Variants in RAD51B observed in about 807,000 individuals in gnomAD.
RAD51B encodes the protein DNA repair protein RAD51 homolog 2.
In RAD51B, 38 loss-of-function variants were observed where a neutral mutation model predicts 42.2. The observed-to-expected ratio is 0.90, with a 90% CI of 0.70 to 1.18. RAD51B has a LOEUF of 1.18. Among genes scored for constraint, RAD51B ranks in the 50% most tolerant of loss-of-function variants. RAD51B has a pLI of 0.00. For missense variants in RAD51B, 373 were observed against 400.7 expected (o/e 0.93, Z 0.59); for synonymous variants, 154 against 145.2 (o/e 1.06, Z -0.43).
chr14:68,458,790 T>G (rs1024515708), intron 9 of RAD51B, among the ~76,000 whole-genome samples: 16 of 152,102 alleles, frequency 1.1e-4, no homozygotes, highest in Non-Finnish European at 2.1e-4. Flanking sequence ...GTAGGCCACA[T>G]GTAGACAAAT....
intron 10 of RAD51B, among the ~76,000 whole-genome samples, chr14:68,641,801 T>C (rs1256281524): frequency 6.6e-6 from 1 of 151,630 alleles, no homozygotes; most frequent in Non-Finnish European, 1.5e-5. Flanking sequence ...GTTCAAGTGA[T>C]CCTCCTGCAT....
intron 7 of RAD51B, among the ~76,000 whole-genome samples, chr14:67,906,544 G>T (rs2043786943): frequency 6.6e-6 from 1 of 151,978 alleles, no homozygotes; most frequent in Admixed American, 6.6e-5. Context: ...TGGCTGGTAG[G>T]CTTTTTATTA....
intron 7 of RAD51B, among the ~76,000 whole-genome samples, chr14:68,256,762 C>T (rs1296657986): frequency 6.6e-6 from 1 of 152,136 alleles, no homozygotes; most frequent in African/African-American, 2.4e-5. Flanking sequence ...CTCTCTTGCC[C>T]CTAACCTTCT....
At chr14:68,455,963 A>AT (rs1404122993) in intron 9 of RAD51B, among the ~76,000 whole-genome samples, 3 of 152,176 alleles carry the variant, frequency 2.0e-5, no homozygotes, top group African/African-American at 4.8e-5. Flanking sequence ...ATTGATGCAC[A>AT]TTTTTTGCAA....
intron 4 of RAD51B, among the ~76,000 whole-genome samples, chr14:67,851,858 TG>T (rs1192408976): frequency 1.3e-5 from 2 of 151,554 alleles, no homozygotes; most frequent in Non-Finnish European, 1.5e-5. Context: ...AGTGATTATG[TG>T]GGGGTAGGGG....
At chr14:68,024,384 A>G (rs1280528944) in intron 7 of RAD51B, among the ~76,000 whole-genome samples, 1 of 152,180 alleles carries the variant, frequency 6.6e-6, no homozygotes, top group Non-Finnish European at 1.5e-5. Flanking sequence ...TGACATTGGT[A>G]GTTTGATAGG....
chr14:68,433,242 T>C (rs904070943), intron 9 of RAD51B, among the ~76,000 whole-genome samples: 3 of 152,144 alleles, frequency 2.0e-5, no homozygotes, highest in Non-Finnish European at 4.4e-5. Context: ...TTGCTCTTCT[T>C]GAGGAGTATC....
At chr14:68,416,476 T>G (rs1025453728) in intron 9 of RAD51B, among the ~76,000 whole-genome samples, 3 of 152,140 alleles carry the variant, frequency 2.0e-5, no homozygotes, top group African/African-American at 7.2e-5. Flanking sequence ...ATACATTTAT[T>G]TTGAAAGAGA....
chr14:68,603,255 T>C (rs1322411283), intron 10 of RAD51B, among the ~76,000 whole-genome samples: 1 of 152,188 alleles, frequency 6.6e-6, no homozygotes, highest in Non-Finnish European at 1.5e-5. Context: ...CCTGAAATAT[T>C]ATAGGTTTTT....
chr14:68,627,817 TC>T (rs1892123771), intron 10 of RAD51B, among the ~76,000 whole-genome samples: 1 of 152,242 alleles, frequency 6.6e-6, no homozygotes, highest in South Asian at 2.1e-4. Flanking sequence ...CTTCTTTCTT[TC>T]TTCTGCATAA....
intron 10 of RAD51B, among the ~76,000 whole-genome samples, chr14:68,643,963 C>T (rs1027606998): frequency 6.6e-6 from 1 of 152,164 alleles, no homozygotes; most frequent in Admixed American, 6.5e-5. Context: ...CTTCGCCTTC[C>T]CCAGTAGCTG....
chr14:68,000,356 T>A (rs1229636878), intron 7 of RAD51B: 7 of 152,180 alleles, frequency 4.6e-5, no homozygotes, highest in Admixed American at 1.3e-4. Context: ...AAAATTGATT[T>A]CCTAGGTTTT....
intron 10 of RAD51B, among the ~76,000 whole-genome samples, chr14:68,532,775 C>T (rs937749989): frequency 1.3e-5 from 2 of 152,052 alleles, no homozygotes; most frequent in African/African-American, 2.4e-5. Context: ...CAGACTAATC[C>T]ATTATAAACA....
At chr14:67,941,996 C>CT (rs912453067) in intron 7 of RAD51B, among the ~76,000 whole-genome samples, 47 of 152,258 alleles carry the variant, frequency 3.1e-4, no homozygotes, top group African/African-American at 1.1e-3. Flanking sequence ...AAACTGTTTG[C>CT]TTTTTTACTT....
At chr14:67,823,774 C>G in intron 2 of RAD51B, 147 bp downstream of exon 2, 1 of 614,954 alleles carries the variant, frequency 1.6e-6, no homozygotes, top group African/African-American at 1.9e-5. Flanking sequence ...TTGTAAATAT[C>G]AAGCCTCCTT....
chr14:67,933,227 T>C (rs2044805838), intron 7 of RAD51B, among the ~76,000 whole-genome samples: 1 of 152,142 alleles, frequency 6.6e-6, no homozygotes, highest in African/African-American at 2.4e-5. Context: ...GGAGTAGTGT[T>C]TTCCATGGGC....
At chr14:68,259,313 A>AG (rs992483464) in intron 7 of RAD51B, among the ~76,000 whole-genome samples, 53 of 61,792 alleles carry the variant, frequency 8.6e-4, no homozygotes, top group African/African-American at 2.9e-3. Context: ...GGGTAGGGGG[A>AG]GGGGGGAGGG....
chr14:68,487,710 T>C (rs531319711), intron 10 of RAD51B, among the ~76,000 whole-genome samples: 1 of 152,260 alleles, frequency 6.6e-6, no homozygotes, highest in East Asian at 1.9e-4. Context: ...GGTTTTGCAA[T>C]GTTAGCCAGG....
rs1014772184 is a variant in RAD51B, at chr14:68,561,368, C to T, written c.1037-33117C>T. On this transcript the variant is annotated intron_variant, in intron 10 of 10. Coordinates refer to the RAD51B transcript ENST00000487270. ...AGAGCCTGGGAATCTGCATTCTTAGCGCACCCCAGGGGATTCTGAGGTTGG... is the reference window on the plus strand; with the variant it reads ...AGAGCCTGGGAATCTGCATTCTTAGTGCACCCCAGGGGATTCTGAGGTTGG... Among the ~76,000 whole-genome samples the T allele has an allele frequency of 5.3e-5, 8 of 152,172 alleles. 1 individual carries two copies. The highest frequency in any genetic ancestry group is 3.8e-4 in the East Asian group (2 of 5,196).
Sources: allele counts gnomAD v4.1 joint callset (sites outside exome capture counted in the v4.1 genomes callset), GRCh38; gene constraint gnomAD v4.1.1; transcripts MANE v1.5; gene names NCBI Gene and HGNC (gene_info 2026-07-23, HGNC 2026-07-21).